The following NINL variants were observed in gnomAD, a reference collection of about 807,000 sequenced individuals.
NINL encodes ninein-like protein.
NINL carries 153 observed loss-of-function variants against 160.3 expected under a neutral mutation model. That is an observed-to-expected ratio of 0.95 (90% CI 0.84 to 1.09). The LOEUF is 1.09. Among genes scored for constraint, NINL ranks in the 50% least tolerant of loss-of-function variants. The pLI is 0.00. For synonymous variants in NINL, 800 were observed against 734.8 expected (o/e 1.09, Z -1.43); for missense variants, 1,829 against 1,764.0 (o/e 1.04, Z -0.66).
In NINL at chr20:25,500,896, G is replaced by T; in HGVS notation, c.976C>A (p.Gln326Lys). The change falls in exon 8 of 24, where the codon CAG becomes AAG. Residue 326 changes from glutamine to lysine, a missense_variant. By Grantham distance (53) the Gln-to-Lys change is moderately conservative. Coordinates refer to ENST00000278886, the MANE Select transcript of NINL (RefSeq NM_025176.6). ...TCCTGGGTCCACATGGCCAGGACCTGATCAGGAAAAGCGAAGCCAGAACCA... is the reference window on the plus strand; with the variant it reads ...TCCTGGGTCCACATGGCCAGGACCTTATCAGGAAAAGCGAAGCCAGAACCA... Reference protein sequence around the residue: ...DDGSGFAFPDQVLAMWTQEGI... With the variant: ...DDGSGFAFPDKVLAMWTQEGI... 1.2e-6 allele frequency: 2 copies of T among 1,614,216 alleles called. No homozygotes were observed. Among genetic ancestry groups the T allele is most frequent in the Non-Finnish European group, 1.7e-6 (2 of 1,180,042 alleles).
intron 19 of NINL, among the ~76,000 whole-genome samples, chr20:25,466,158 A>C (rs556918910): frequency 3.4e-4 from 51 of 152,144 alleles, no homozygotes; most frequent in Middle Eastern, 3.4e-3. Context: ...AGTAGCTGGG[A>C]CTATAGGCAC....
intron 1 of NINL, among the ~76,000 whole-genome samples, chr20:25,573,657 T>C (rs2065080820): frequency 1.3e-5 from 2 of 152,334 alleles, no homozygotes; most frequent in South Asian, 4.1e-4. Flanking sequence ...GAGGAGCCCA[T>C]TGATGGGAAA....
At chr20:25,486,095 G>A (rs1423284191) in intron 13 of NINL, among the ~76,000 whole-genome samples, 1 of 152,234 alleles carries the variant, frequency 6.6e-6, no homozygotes, top group Non-Finnish European at 1.5e-5. Flanking sequence ...TAAGGCAGAG[G>A]CAACAGGGTG....
rs1451718727 is a variant in NINL at position 25,517,532 on chromosome 20, T to A, written c.277+221A>T. On this transcript the variant is annotated intron_variant, in intron 3 of 23. Coordinates refer to ENST00000278886, the MANE Select transcript of NINL (RefSeq NM_025176.6). ...ACATTAGCACAGTGCAGTGTCATCATCCATGGCGGGCACAGTGCACGTTAT... is the reference window on the plus strand; with the variant it reads ...ACATTAGCACAGTGCAGTGTCATCAACCATGGCGGGCACAGTGCACGTTAT... Among the ~76,000 whole-genome samples, 5 of 152,320 alleles carry A rather than the reference T, an allele frequency of 3.3e-5. No homozygotes were observed. In the East Asian group the frequency reaches 9.6e-4, roughly 29 times the overall value.
chr20:25,460,540 C>T (rs1202190202), intron 21 of NINL, among the ~76,000 whole-genome samples: 1 of 152,132 alleles, frequency 6.6e-6, no homozygotes, highest in African/African-American at 2.4e-5. Flanking sequence ...TCAAAGGACT[C>T]GAACTGGCCC....
chr20:25,576,323 G>A (rs563901771), intron 1 of NINL, among the ~76,000 whole-genome samples: 2 of 152,226 alleles, frequency 1.3e-5, no homozygotes, highest in Non-Finnish European at 2.9e-5. Context: ...GGTCAGGTGT[G>A]TCCTTGGCAC....
At chr20:25,496,836 C>T (rs769568935) in intron 9 of NINL, 33 bp from the exon 10 acceptor site, 2 of 1,609,116 alleles carry the variant, frequency 1.2e-6, no homozygotes, top group African/African-American at 2.7e-5. Context: ...TCAGATGGGA[C>T]CCCACTGCTG....
Position 25,491,505 on chromosome 20 carries a change from C to T in NINL, c.1331G>A (p.Arg444Gln), listed in dbSNP as rs749438877. The change falls in exon 11 of 24, where the codon CGG becomes CAG. Residue 444 changes from arginine (R) to glutamine (Q), a missense_variant. By Grantham distance (43) the Arg-to-Gln change is conservative (BLOSUM62 1). Transcript: ENST00000278886. ...AGACCGCAGGAGGCTCAGCCTTTCC[C>T]GGTACCCCTGCTCCAGATGCCTGTA... Reference protein sequence around the residue: ...KKIKHLEQGYRERLSLLRSEV... With the variant: ...KKIKHLEQGYQERLSLLRSEV... 48 of 1,613,902 alleles carry T rather than the reference C, an allele frequency of 3.0e-5. No individual in the cohort carries two copies. The Middle Eastern group carries it at 4.9e-4, about 17-fold the overall frequency.
In NINL at chr20:25,491,520, A is replaced by C; in HGVS notation, c.1316T>G (p.Leu439Arg). 3 of 1,613,538 alleles carry C rather than the reference A, an allele frequency of 1.9e-6. No homozygotes were observed. Among genetic ancestry groups the C allele is most frequent in the Non-Finnish European group, 2.5e-6 (3 of 1,179,704 alleles). ...EQLTEKKIKHLEQGYRERLSL... is the reference protein window; with the variant it reads ...EQLTEKKIKHREQGYRERLSL... ...CAGCCTTTCCCGGTACCCCTGCTCC[A>C]GATGCCTGTAACATGTCACACATCA... Residue 439 changes from leucine (L) to arginine (R), a missense_variant, in exon 11 of 24, where the codon CTG (leucine) becomes CGG (arginine). Coordinates refer to ENST00000278886, the MANE Select transcript of NINL (RefSeq NM_025176.6).
At position 25,557,689 on chromosome 20, in the gene NINL, A is replaced by G. The variant is rs146000944; in HGVS notation, c.-12+27766T>C. On this transcript the variant is annotated intron_variant, in intron 1 of 23. Coordinates refer to ENST00000278886, the MANE Select transcript of NINL (RefSeq NM_025176.6). ...CGAAACTCAACAGAATAAAAGAGAG[A>G]AATGGACAATTCCACAAGCATATTT... Among the ~76,000 whole-genome samples the G allele has an allele frequency of 2.1e-3, 319 of 152,334 alleles. 2 individuals are homozygous for G. Among genetic ancestry groups the G allele is most frequent in the Non-Finnish European group, 1.5e-3 (101 of 68,028 alleles).
rs546176009 is a variant in NINL, at chr20:25,499,087, G to A, written c.1033-741C>T. The stretch of plus-strand genomic sequence containing the variant: ...CCGGCGGCAGGCACCATGGCAGGGC[G>A]GCTGAAGCAGGTGCCAGGACGTGCC... On this transcript the variant is annotated intron_variant, in intron 8 of 23. Coordinates refer to ENST00000278886, the MANE Select transcript of NINL (RefSeq NM_025176.6). The A allele has an allele frequency of 1.4e-4, 142 of 985,460 alleles. No individual in the cohort carries two copies. In the African/African-American group the frequency reaches 2.2e-3, roughly 15 times the overall value. 61.0% of individuals were successfully genotyped at this position (985,460 alleles called of 1,614,324 possible). A position where few individuals can be genotyped will look rare whatever the true frequency, so the allele number is the denominator to read the frequency against.
rs2063920809 is a variant in NINL, at chr20:25,504,214, C to A, written c.709-110G>T. On this transcript the variant is annotated intron_variant, in intron 6 of 23. Coordinates refer to ENST00000278886, the MANE Select transcript of NINL (RefSeq NM_025176.6). ...CTGGTTCCAAGTACCCAACAAGGGC[C>A]GTTTCCTAGTCTTATCCAGCCTTAA... is the stretch of plus-strand genomic sequence containing the variant. The A allele has an allele frequency of 2.3e-5, 27 of 1,169,342 alleles. No homozygotes were observed. In the South Asian group the frequency reaches 4.1e-4, roughly 18 times the overall value. The allele number at this position is 1,169,342 out of a possible 1,614,324, so 72.4% of individuals were successfully genotyped here. A position where few individuals can be genotyped will look rare whatever the true frequency, so the allele number is the denominator to read the frequency against.
chr20:25,564,463 G>A (rs144599498), intron 1 of NINL, among the ~76,000 whole-genome samples: 61 of 152,224 alleles, frequency 4.0e-4, no homozygotes, highest in Admixed American at 3.5e-3. Flanking sequence ...GATCACAGGC[G>A]CATGCCACCA....
At chr20:25,478,794 C>A (rs1295776693) in intron 16 of NINL, 129 bp downstream of exon 16, 13 of 1,014,852 alleles carry the variant, frequency 1.3e-5, no homozygotes, top group Non-Finnish European at 1.8e-5. Flanking sequence ...GGCACTCACC[C>A]ATCTGCCCAG....
At chr20:25,562,156 C>T (rs1304635499) in intron 1 of NINL, among the ~76,000 whole-genome samples, 3 of 146,434 alleles carry the variant, frequency 2.0e-5, no homozygotes, top group Non-Finnish European at 3.0e-5. Context: ...CGAGACGCCC[C>T]GTCCGGGAGG....
At chr20:25,474,527 T>C (rs2063184234) in intron 17 of NINL, among the ~76,000 whole-genome samples, 2 of 152,146 alleles carry the variant, frequency 1.3e-5, no homozygotes, top group South Asian at 2.1e-4. Context: ...CTAAGAATAC[T>C]GTCTTACAAA....
rs376172486 is a variant in NINL, at chr20:25,476,143, C to T, written c.3148G>A (p.Ala1050Thr). The T allele has an allele frequency of 1.2e-6, 2 of 1,614,244 alleles. No homozygotes were observed. Among genetic ancestry groups the T allele is most frequent in the South Asian group, 1.1e-5 (1 of 91,092 alleles). ...AAPEEGETKIALEREKDDMET... is the reference protein window; with the variant it reads ...AAPEEGETKITLEREKDDMET... ...ATGTCATCCTTCTCTCTCTCCAGCG[C>T]TATTTTGGTCTCCCCCTCTTCTGGG... The change falls in exon 17 of 24, where the codon GCG becomes ACG. Residue 1050 changes from alanine to threonine, a missense_variant. Coordinates refer to ENST00000278886, the MANE Select transcript of NINL (RefSeq NM_025176.6).
At position 25,561,212 on chromosome 20, in the gene NINL, T is replaced by C. The variant is rs370557347; in HGVS notation, c.-12+24243A>G. ...CCGCCACGCCTGACGGGTTTTCCTATTTTTTTGGTGGAGAGGGGGTTTCGC... is the reference window on the plus strand; with the variant it reads ...CCGCCACGCCTGACGGGTTTTCCTACTTTTTTGGTGGAGAGGGGGTTTCGC... On this transcript the variant is annotated intron_variant, in intron 1 of 23. Coordinates refer to ENST00000278886, the MANE Select transcript of NINL (RefSeq NM_025176.6). 9.2e-5 allele frequency among the ~76,000 whole-genome samples: 14 copies of C among 152,270 alleles called. No homozygotes were observed. In the East Asian group the frequency reaches 1.4e-3, roughly 15 times the overall value.
rs1601220386 is a variant in NINL at position 25,524,917 on chromosome 20, A to G, written c.180+1491T>C. 2.7e-5 allele frequency among the ~76,000 whole-genome samples: 4 copies of G among 147,294 alleles called. No individual in the cohort carries two copies. The East Asian group carries it at 7.9e-4, about 29-fold the overall frequency. ...GACTCAAATTAAAATATATATATAT[A>G]TATATATGTGTGTGTATATATATAT... On this transcript the variant is annotated intron_variant, in intron 2 of 23. Transcript: ENST00000278886.
Sources: gnomAD v4.1 joint callset for allele counts (sites outside exome capture counted in the v4.1 genomes callset) on GRCh38, gnomAD v4.1.1 for gene constraint, MANE v1.5 for transcripts, NCBI Gene and HGNC (gene_info 2026-07-23, HGNC 2026-07-21) for gene names.